The following ANKRD44 variants were observed in gnomAD, a reference collection of about 807,000 sequenced individuals.
The protein encoded by ANKRD44 is serine/threonine-protein phosphatase 6 regulatory ankyrin repeat subunit B.
In ANKRD44, 35 loss-of-function variants were observed where a neutral mutation model predicts 116.0. That is an observed-to-expected ratio of 0.30 (90% CI 0.23 to 0.40). The LOEUF (loss-of-function observed/expected upper bound fraction) is 0.40, where lower values mean the gene tolerates loss of function less well. ANKRD44 is among the 10% of genes least tolerant of loss of function. ANKRD44 has a pLI of 1.00. For synonymous variants in ANKRD44, 435 were observed against 461.8 expected (o/e 0.94, Z 0.74); for missense variants, 1,014 against 1,242.6 (o/e 0.82, Z 2.77).
intron 3 of ANKRD44, 81 bp from the exon 4 acceptor site, chr2:197,136,743 C>A: frequency 1.1e-5 from 14 of 1,225,496 alleles, no homozygotes; most frequent in South Asian, 2.5e-5. Flanking sequence ...CTGTATCTTG[C>A]TCCCATTTGC....
At chr2:197,158,477 CAT>C (rs1217258561) in intron 2 of ANKRD44, among the ~76,000 whole-genome samples, 2 of 152,252 alleles carry the variant, frequency 1.3e-5, no homozygotes, top group South Asian at 2.1e-4. Flanking sequence ...ATTAAACAAA[CAT>C]AGATTAATGA....
At chr2:197,309,866 G>A (rs1356851587) in intron 1 of ANKRD44, among the ~76,000 whole-genome samples, 1 of 152,172 alleles carries the variant, frequency 6.6e-6, no homozygotes, top group African/African-American at 2.4e-5. Context: ...CTCCAAGCCA[G>A]GACTCCAGAG....
chr2:197,169,950 C>A (rs907644731), intron 2 of ANKRD44, among the ~76,000 whole-genome samples: 10 of 152,142 alleles, frequency 6.6e-5, no homozygotes, highest in Admixed American at 1.3e-4. Flanking sequence ...AGCACTTTGG[C>A]AGGCCATGGC....
In ANKRD44 at chr2:197,122,951, T is replaced by C. The variant is rs529920345; in HGVS notation, c.551-159A>G. On this transcript the variant is annotated intron_variant, in intron 6 of 27. Transcript: ENST00000282272. ...ATGGCAACTATTCAACAAATATTTA[T>C]TGAGTACCTCCTATAGTCAGGCATA... Among the ~76,000 whole-genome samples the C allele has an allele frequency of 4.6e-5, 7 of 152,356 alleles. 1 individual carries two copies. In the South Asian group the frequency reaches 8.3e-4, roughly 18 times the overall value.
intron 8 of ANKRD44, among the ~76,000 whole-genome samples, chr2:197,114,400 C>A (rs898452853): frequency 2.0e-5 from 3 of 152,120 alleles, no homozygotes; most frequent in African/African-American, 7.2e-5. Flanking sequence ...TAGGCATAAT[C>A]AAGCCCTAAG....
intron 21 of ANKRD44, among the ~76,000 whole-genome samples, chr2:196,970,408 T>C (rs2075707083): frequency 6.6e-6 from 1 of 152,216 alleles, no homozygotes; most frequent in Admixed American, 6.5e-5. Context: ...TGAAGGAAGC[T>C]TTAAGCTGTT....
At chr2:197,214,527 G>T (rs909025718) in intron 1 of ANKRD44, among the ~76,000 whole-genome samples, 1 of 152,150 alleles carries the variant, frequency 6.6e-6, no homozygotes, top group African/African-American at 2.4e-5. Flanking sequence ...AGAGAAAAAA[G>T]ACCAAGTCAG....
intron 18 of ANKRD44, among the ~76,000 whole-genome samples, chr2:197,011,692 C>A (rs1000815952): frequency 6.6e-6 from 1 of 152,040 alleles, no homozygotes; most frequent in Non-Finnish European, 1.5e-5. Flanking sequence ...AGGCTGGTCT[C>A]GAACTCCTGA....
intron 1 of ANKRD44, among the ~76,000 whole-genome samples, chr2:197,224,645 T>C (rs1171659061): frequency 1.3e-5 from 2 of 152,244 alleles, no homozygotes; most frequent in South Asian, 2.1e-4. Context: ...TTATGCTTTT[T>C]GGTTTGTTGC....
chr2:197,125,752 A>G, intron 5 of ANKRD44, 85 bp downstream of exon 5: 1 of 1,423,784 alleles, frequency 7.0e-7, no homozygotes, highest in Non-Finnish European at 9.8e-7. Context: ...CACATTCTTT[A>G]AAATCTCAGC....
In ANKRD44 at chr2:197,121,454, C is replaced by T. The variant is rs138806991; in HGVS notation, c.784G>A (p.Gly262Ser). The T allele has an allele frequency of 2.1e-4, 344 of 1,614,046 alleles. No individual in the cohort carries two copies. The highest frequency in any genetic ancestry group is 1.5e-4 in the Non-Finnish European group (182 of 1,180,036). Reference sequence around the variant, plus strand: ...TTGTTTGGCTGGTTCACGTTAGCACCGTAGTCAATCAACTCGTTAACCACA... The same window carrying T: ...TTGTTTGGCTGGTTCACGTTAGCACTGTAGTCAATCAACTCGTTAACCACA... Reference protein sequence around the residue: ...DAVVNELIDYGANVNQPNNNG... With the variant: ...DAVVNELIDYSANVNQPNNNG... Residue 262 changes from glycine to serine, a missense_variant, in exon 8 of 28, where the codon GGT (glycine) becomes AGT (serine). Physicochemically the swap from Gly to Ser is moderately conservative, Grantham distance 56. Transcript: ENST00000282272.
chr2:196,985,690 C>G (rs1194671751), downstream of ANKRD44, among the ~76,000 whole-genome samples: 1 of 152,186 alleles, frequency 6.6e-6, no homozygotes, highest in Admixed American at 6.5e-5. Flanking sequence ...CTGGGCTGGA[C>G]TGTAATAACT....
At chr2:197,136,790 G>T in intron 3 of ANKRD44, 128 bp from the exon 4 acceptor site, 1 of 744,998 alleles carries the variant, frequency 1.3e-6, no homozygotes, top group Non-Finnish European at 2.3e-6. Flanking sequence ...CTTTGTATTA[G>T]TCATGTGCTG....
chr2:196,984,839 C>A (rs2075825805), downstream of ANKRD44, among the ~76,000 whole-genome samples: 1 of 152,178 alleles, frequency 6.6e-6, no homozygotes, highest in South Asian at 2.1e-4. Flanking sequence ...CGTGATAGAC[C>A]AGGGTGGCGA....
intron 1 of ANKRD44, among the ~76,000 whole-genome samples, chr2:197,195,245 A>G (rs2080919850): frequency 6.6e-6 from 1 of 152,136 alleles, no homozygotes; most frequent in Non-Finnish European, 1.5e-5. Context: ...CCTCCCAAAG[A>G]GCTGGGATTA....
At chr2:196,976,189 T>C (rs1214287695) in intron 21 of ANKRD44, among the ~76,000 whole-genome samples, 1 of 152,126 alleles carries the variant, frequency 6.6e-6, no homozygotes, top group Non-Finnish European at 1.5e-5. Context: ...TGGAGTGCAG[T>C]GCAGTGGCGC....
intron 6 of ANKRD44, among the ~76,000 whole-genome samples, chr2:197,124,658 A>G (rs537425570): frequency 6.6e-6 from 1 of 152,278 alleles, no homozygotes; most frequent in South Asian, 2.1e-4. Flanking sequence ...GTTGTTTACA[A>G]CTTGGTGCTG....
chr2:197,207,175 C>G (rs1461455736), intron 1 of ANKRD44, among the ~76,000 whole-genome samples: 1 of 152,110 alleles, frequency 6.6e-6, no homozygotes, highest in African/African-American at 2.4e-5. Flanking sequence ...CAAAATTGGC[C>G]ACAGAGCAAG....
At chr2:197,178,087 C>T (rs965042129) in intron 2 of ANKRD44, among the ~76,000 whole-genome samples, 2 of 152,150 alleles carry the variant, frequency 1.3e-5, no homozygotes, top group African/African-American at 4.8e-5. Context: ...CCAAACTGCC[C>T]TCCAAAGGGT....
Sources: gnomAD v4.1 joint callset for allele counts (sites outside exome capture counted in the v4.1 genomes callset) on GRCh38, gnomAD v4.1.1 for gene constraint, MANE v1.5 for transcripts, NCBI Gene and HGNC (gene_info 2026-07-23, HGNC 2026-07-21) for gene names.